ZZEF1: variants seen among roughly 807,000 people sequenced by gnomAD.
The protein encoded by ZZEF1 is zinc finger ZZ-type and EF-hand domain containing 1.
ZZEF1 carries 157 observed loss-of-function variants against 342.8 expected under a neutral mutation model. The observed-to-expected ratio is 0.46, with a 90% CI of 0.40 to 0.52. The LOEUF is 0.52. Among genes scored for constraint, ZZEF1 ranks in the 20% least tolerant of loss-of-function variants. The pLI is 0.00. For missense variants in ZZEF1, 3,480 were observed against 3,725.6 expected, an observed-to-expected ratio of 0.93 and a Z score of 1.72; for synonymous variants, 1,505 against 1,429.1, an observed-to-expected ratio of 1.05 and a Z score of -1.20.
intron 39 of ZZEF1, 41 bp from the exon 40 acceptor site, chr17:4,034,333 A>G: frequency 6.2e-7 from 1 of 1,601,416 alleles, no homozygotes; most frequent in Non-Finnish European, 8.5e-7. Context: ...TACAAAATCC[A>G]CATAACCAAA....
intron 2 of ZZEF1, among the ~76,000 whole-genome samples, chr17:4,118,133 C>A (rs2058428457): frequency 6.6e-6 from 1 of 152,152 alleles, no homozygotes; most frequent in Non-Finnish European, 1.5e-5. Flanking sequence ...GGGTGGGAAC[C>A]ATGGGCATTT....
rs1597788524 is a variant in ZZEF1, at chr17:4,032,949, T to C, written c.6638A>G (p.Asn2213Ser). 3.1e-6 allele frequency: 5 copies of C among 1,608,990 alleles called. No individual in the cohort carries two copies. The highest frequency in any genetic ancestry group is 1.7e-4 in the Middle Eastern group (1 of 6,056). ...GACATCACGCCACAGTGGGGCACTG[T>C]TGAGTGACCGCAGGATCTCTGCCAT... ...CSMAEILRSL[N>S]SAPLWRDVIA... is the part of the protein sequence containing the mutation. The change falls in exon 41 of 55, where the codon AAC becomes AGC. Residue 2213 changes from asparagine to serine, a missense_variant. This residue lies in a region of ZZEF1 where 1,269 missense variants were observed against 1,342.4 expected (regional missense o/e 0.95). Coordinates refer to ENST00000381638, the MANE Select transcript of ZZEF1 (RefSeq NM_015113.4).
Position 4,016,326 on chromosome 17 carries a change from G to C in ZZEF1, c.8142C>G (p.Phe2714Leu), listed in dbSNP as rs150661461. 218 of 1,613,146 alleles carry C rather than the reference G, an allele frequency of 1.4e-4. No individual in the cohort carries two copies. The highest frequency in any genetic ancestry group is 9.5e-5 in the Non-Finnish European group (112 of 1,179,714). Residue 2714 changes from phenylalanine to leucine, a missense_variant, in exon 49 of 55, where the codon TTC becomes TTG. Physicochemically the swap from Phe to Leu is conservative, Grantham distance 22. Transcript: ENST00000381638. The surrounding 1 kb of genome is among the most constrained non-coding windows in gnomAD (Gnocchi z 4.4). ...GGCCTGCCGGCCCCAGGCTTACCTC[G>C]AAGTTGGTGTTGTTGTTATACGGGT... ...SKHPYNNNTN[F>L]EDKVHIPGAI...
At chr17:4,053,392 T>A (rs1319867083) in intron 34 of ZZEF1, among the ~76,000 whole-genome samples, 3 of 152,210 alleles carry the variant, frequency 2.0e-5, no homozygotes. Flanking sequence ...TTCCTACACA[T>A]CATCCAGTTC....
At chr17:4,140,862 G>C (rs1222236703) in intron 1 of ZZEF1, among the ~76,000 whole-genome samples, 1 of 145,732 alleles carries the variant, frequency 6.9e-6, no homozygotes, top group Non-Finnish European at 1.5e-5. Flanking sequence ...GGTACTATGT[G>C]TATTCCTGGG....
intron 8 of ZZEF1, among the ~76,000 whole-genome samples, chr17:4,104,067 T>C (rs967925480): frequency 6.6e-6 from 1 of 152,122 alleles, no homozygotes; most frequent in Non-Finnish European, 1.5e-5. Context: ...TGGGCTCCCA[T>C]GTTGAGAAGG....
In ZZEF1 at chr17:4,066,452, C is replaced by T; in HGVS notation, c.4244G>A (p.Ser1415Asn). 6.2e-7 allele frequency: 1 copy of T among 1,614,090 alleles called. No individual in the cohort carries two copies. Among genetic ancestry groups the T allele is most frequent in the Non-Finnish European group, 8.5e-7 (1 of 1,179,956 alleles). ...SSEATEVNPE[S>N]LAKECIEKSL... ...GCTGGTGTTAGCACACTCACCCAGG[C>T]TCTCAGGGTTCACCTCAGTAGCTTC... is the stretch of plus-strand genomic sequence containing the variant. The change falls in exon 28 of 55, where the codon AGC becomes AAC. Residue 1415 changes from serine (S) to asparagine (N), a missense_variant. Around this residue, in one of 5 missense-constraint regions of ZZEF1, gnomAD observed 1,528 missense variants for 1,624.1 expected, o/e 0.94. Coordinates refer to ENST00000381638, the MANE Select transcript of ZZEF1 (RefSeq NM_015113.4).
At chr17:4,023,990 G>A (rs574100792) in intron 43 of ZZEF1, among the ~76,000 whole-genome samples, 2 of 152,176 alleles carry the variant, frequency 1.3e-5, no homozygotes, top group East Asian at 3.9e-4. Flanking sequence ...TGCCCTCCAT[G>A]ACCTCCCTAT....
chr17:4,046,860 A>G (rs1343600879), intron 37 of ZZEF1, among the ~76,000 whole-genome samples: 1 of 152,234 alleles, frequency 6.6e-6, no homozygotes, highest in Non-Finnish European at 1.5e-5. Context: ...GAAAACAAAA[A>G]GTATCTCTAG....
At chr17:4,084,982 T>C (rs1180944379) in intron 16 of ZZEF1, among the ~76,000 whole-genome samples, 1 of 152,016 alleles carries the variant, frequency 6.6e-6, no homozygotes, top group African/African-American at 2.4e-5. Context: ...CGTGGTGGCA[T>C]GCACCAGTAG....
chr17:4,096,418 T>C (rs1030732867), intron 10 of ZZEF1, among the ~76,000 whole-genome samples, 191 bp downstream of exon 10: 1 of 152,232 alleles, frequency 6.6e-6, no homozygotes, highest in Non-Finnish European at 1.5e-5. Flanking sequence ...TGTAATGGAT[T>C]GTTTATAACA....
intron 37 of ZZEF1, among the ~76,000 whole-genome samples, chr17:4,044,614 G>C (rs990611504): frequency 2.6e-5 from 4 of 152,016 alleles, no homozygotes; most frequent in African/African-American, 9.6e-5. Flanking sequence ...CACCTCCCAG[G>C]TTCAAGCGAT....
intron 41 of ZZEF1, among the ~76,000 whole-genome samples, chr17:4,032,581 T>A (rs2290440): frequency 6.6e-6 from 1 of 152,046 alleles, no homozygotes; most frequent in African/African-American, 2.4e-5. Context: ...TATATTACAG[T>A]CACCTATTAT....
chr17:4,107,603 T>C (rs1003048241), intron 6 of ZZEF1, among the ~76,000 whole-genome samples: 1 of 152,208 alleles, frequency 6.6e-6, no homozygotes, highest in African/African-American at 2.4e-5. Context: ...CTGCAAAAGA[T>C]GCTGGAGCAG....
At chr17:4,140,271 C>A (rs1002189344) in intron 1 of ZZEF1, among the ~76,000 whole-genome samples, 4 of 152,188 alleles carry the variant, frequency 2.6e-5, no homozygotes, top group Admixed American at 6.5e-5. Context: ...CTTCCAGATT[C>A]TCTGGACTTT....
intron 41 of ZZEF1, 103 bp downstream of exon 41, chr17:4,032,725 C>A: frequency 1.6e-6 from 2 of 1,257,364 alleles, no homozygotes; most frequent in South Asian, 1.5e-5. Flanking sequence ...AAAAAGCTTC[C>A]AAAGAGATCT....
Position 4,081,459 on chromosome 17 carries a change from G to T in ZZEF1, c.2746C>A (p.Pro916Thr), listed in dbSNP as rs374783084. The change falls in exon 18 of 55, where the codon CCT becomes ACT. Residue 916 changes from proline (P) to threonine (T), a missense_variant. This residue lies in a region of ZZEF1 where 1,528 missense variants were observed against 1,624.1 expected (regional missense o/e 0.94). Coordinates refer to ENST00000381638, the MANE Select transcript of ZZEF1 (RefSeq NM_015113.4). Reference protein sequence around the residue: ...DKDPGGLLLLPEKNDLAKMNI... With the variant: ...DKDPGGLLLLTEKNDLAKMNI... ...ATCTTGGCCAGGTCGTTCTTCTCAG[G>T]TAAAAGAAGAAGGCCGCCTGGATCC... 2.5e-5 allele frequency: 41 copies of T among 1,613,972 alleles called. No individual in the cohort carries two copies. Among genetic ancestry groups the T allele is most frequent in the Non-Finnish European group, 3.4e-5 (40 of 1,180,014 alleles).
At position 4,009,707 on chromosome 17, in the gene ZZEF1, T is replaced by A. The variant is rs749556112; in HGVS notation, c.8630A>T (p.His2877Leu). The change falls in exon 53 of 55, where the codon CAC (histidine) becomes CTC (leucine). Residue 2877 changes from histidine to leucine, a missense_variant. His to Leu is a moderately conservative substitution (Grantham distance 99, BLOSUM62 -3). Around this residue, in one of 5 missense-constraint regions of ZZEF1, gnomAD observed 1,269 missense variants for 1,342.4 expected, o/e 0.95. Coordinates refer to ENST00000381638, the MANE Select transcript of ZZEF1 (RefSeq NM_015113.4). The part of the protein sequence containing the change: ...LLKPLWQLFT[H>L]MEYGLFEDVT... ...GTCCTCAAACAGGCCGTACTCCATG[T>A]GGGTAAAGAGCTGCCACAGGGGCTT... 1 of 1,614,046 alleles carries A rather than the reference T, an allele frequency of 6.2e-7. No homozygotes were observed. The highest frequency in any genetic ancestry group is 1.1e-5 in the South Asian group (1 of 91,074).
chr17:4,112,426 G>A (rs556951414), intron 5 of ZZEF1, among the ~76,000 whole-genome samples, 183 bp downstream of exon 5: 30 of 152,208 alleles, frequency 2.0e-4, no homozygotes, highest in Admixed American at 7.2e-4. Flanking sequence ...GATTACAGGC[G>A]TGAGCCAGCA....
Sources: gnomAD v4.1 joint callset for allele counts (sites outside exome capture counted in the v4.1 genomes callset) on GRCh38, gnomAD v4.1.1 for gene constraint, gnomAD v4.1.1 regional missense constraint, Gnocchi (gnomAD v3.1) non-coding constraint, MANE v1.5 for transcripts, NCBI Gene and HGNC (gene_info 2026-07-23, HGNC 2026-07-21) for gene names.